RIMS1: variants seen among roughly 807,000 people sequenced by gnomAD.
RIMS1 encodes regulating synaptic membrane exocytosis 1.
In RIMS1, 83 loss-of-function variants were observed where a neutral mutation model predicts 214.1. The observed-to-expected ratio is 0.39, with a 90% CI of 0.32 to 0.47. RIMS1 has a LOEUF of 0.47. Ranked by LOEUF, RIMS1 falls within the 20% of genes least tolerant of loss-of-function variation. RIMS1 has a pLI of 0.99. For missense variants in RIMS1, 2,050 were observed against 2,161.8 expected (o/e 0.95, Z 1.03); for synonymous variants, 793 against 786.8 (o/e 1.01, Z -0.13).
intron 2 of RIMS1, among the ~76,000 whole-genome samples, chr6:71,998,040 T>C (rs1359829325): frequency 6.6e-6 from 1 of 152,116 alleles, no homozygotes. Context: ...GCATCTAAAA[T>C]GTTTAATGAT....
chr6:72,190,456 T>G (rs6940822), intron 6 of RIMS1, among the ~76,000 whole-genome samples: 103,240 of 138,972 alleles, frequency 0.74, 37,193 homozygotes, highest in East Asian at 0.85. Context: ...AGAGTAAAAC[T>G]CTGTCTCAAA....
chr6:72,218,172 G>T (rs2057025515), intron 6 of RIMS1, among the ~76,000 whole-genome samples: 1 of 150,456 alleles, frequency 6.6e-6, no homozygotes, highest in African/African-American at 2.5e-5. Flanking sequence ...TAAGTTTGAG[G>T]TGTCCCAAGG....
chr6:72,251,515 A>G, intron 15 of RIMS1, 147 bp downstream of exon 15: 1 of 667,642 alleles, frequency 1.5e-6, no homozygotes, highest in Non-Finnish European at 2.4e-6. Flanking sequence ...AACTTGGCAA[A>G]ACTGTTTCTA....
At chr6:72,106,558 G>A (rs966679965) in intron 4 of RIMS1, among the ~76,000 whole-genome samples, 9 of 152,188 alleles carry the variant, frequency 5.9e-5, no homozygotes, top group African/African-American at 2.2e-4. Context: ...GCACTTGACG[G>A]ACAGTATCAC....
At chr6:72,280,762 A>G (rs925102573) in intron 23 of RIMS1, among the ~76,000 whole-genome samples, 1 of 152,216 alleles carries the variant, frequency 6.6e-6, no homozygotes, top group East Asian at 1.9e-4. Context: ...CACTGGCTCT[A>G]AGTTTTATAT....
chr6:72,259,676 G>C (rs1012091529), intron 18 of RIMS1, among the ~76,000 whole-genome samples: 4 of 152,192 alleles, frequency 2.6e-5, no homozygotes, highest in African/African-American at 9.6e-5. Flanking sequence ...TTCTGCATTT[G>C]TGAACTAATA....
At chr6:72,185,137 T>A (rs1185274044) in intron 6 of RIMS1, among the ~76,000 whole-genome samples, 1 of 152,218 alleles carries the variant, frequency 6.6e-6, no homozygotes, top group Non-Finnish European at 1.5e-5. Flanking sequence ...AGTGGTCTAC[T>A]TGCCTTCAAA....
chr6:71,940,379 A>G (rs1380212615), intron 1 of RIMS1, among the ~76,000 whole-genome samples: 4 of 152,228 alleles, frequency 2.6e-5, no homozygotes, highest in African/African-American at 9.6e-5. Context: ...CTCTGCAAAA[A>G]TTTAAACCTT....
rs576319641 is a variant in RIMS1, at chr6:72,043,682, G to C, written c.246-53267G>C. Among the ~76,000 whole-genome samples the C allele has an allele frequency of 7.5e-5, 10 of 134,046 alleles. 1 individual carries two copies. The highest frequency in any genetic ancestry group is 5.0e-4 in the Admixed American group (7 of 14,048). The allele number at this position is 134,046 out of a possible 152,430, so 87.9% of individuals were successfully genotyped here. ...GTAAATGCTAATGTACTATTAACTA[G>C]ACTTTTTTCCCCCTTTTCTGCCTGA... On this transcript the variant is annotated intron_variant, in intron 2 of 33. Coordinates refer to ENST00000521978, the MANE Select transcript of RIMS1 (RefSeq NM_014989.7).
At chr6:71,925,126 T>G (rs1288823202) in intron 1 of RIMS1, among the ~76,000 whole-genome samples, 1 of 152,198 alleles carries the variant, frequency 6.6e-6, no homozygotes, top group Non-Finnish European at 1.5e-5. Flanking sequence ...TAATGAGGAA[T>G]AATTTGGAAA....
chr6:72,195,999 A>G (rs2050795829), intron 6 of RIMS1, among the ~76,000 whole-genome samples: 1 of 151,964 alleles, frequency 6.6e-6, no homozygotes, highest in Non-Finnish European at 1.5e-5. Flanking sequence ...CATGGGGGAC[A>G]CCGCCCCCAT....
intron 2 of RIMS1, among the ~76,000 whole-genome samples, chr6:72,040,492 C>G (rs1821141593): frequency 6.6e-6 from 1 of 151,896 alleles, no homozygotes; most frequent in African/African-American, 2.4e-5. Flanking sequence ...AGCCTGAAGT[C>G]AAGTTAGACA....
At position 72,061,522 on chromosome 6, in the gene RIMS1, G is replaced by A. The variant is rs140430059; in HGVS notation, c.246-35427G>A. On this transcript the variant is annotated intron_variant, in intron 2 of 33. Transcript: ENST00000521978. Reference sequence around the variant, plus strand: ...CTGGTCCGCTTTGCACTCACTCAGCGGCTGTGCATTACGCGCTTTCTGACT... The same window carrying A: ...CTGGTCCGCTTTGCACTCACTCAGCAGCTGTGCATTACGCGCTTTCTGACT... Among the ~76,000 whole-genome samples, 12 of 152,304 alleles carry A rather than the reference G, an allele frequency of 7.9e-5. No homozygotes were observed. In the East Asian group the frequency reaches 1.7e-3, roughly 22 times the overall value.
chr6:71,982,676 T>C (rs1798799685), intron 2 of RIMS1, among the ~76,000 whole-genome samples: 1 of 152,182 alleles, frequency 6.6e-6, no homozygotes, highest in Non-Finnish European at 1.5e-5. Context: ...TAATTCTGAA[T>C]CTCTGAATCG....
intron 1 of RIMS1, among the ~76,000 whole-genome samples, chr6:71,943,028 T>G (rs1019636008): frequency 6.6e-6 from 1 of 152,112 alleles, no homozygotes; most frequent in Non-Finnish European, 1.5e-5. Flanking sequence ...ACTTGTATTT[T>G]AAAGAGTCAA....
chr6:72,104,385 C>A (rs780930832), intron 4 of RIMS1, among the ~76,000 whole-genome samples: 2 of 152,152 alleles, frequency 1.3e-5, no homozygotes, highest in Non-Finnish European at 2.9e-5. Flanking sequence ...TAAATACTGA[C>A]AACCAAATTT....
chr6:71,890,365 A>T (rs1344512668), intron 1 of RIMS1, among the ~76,000 whole-genome samples: 1 of 70,502 alleles, frequency 1.4e-5, no homozygotes, highest in Non-Finnish European at 3.0e-5. Flanking sequence ...TGCAAATTAG[A>T]GGTCTTTTCT....
chr6:72,153,856 A>G (rs1243204134), intron 4 of RIMS1, among the ~76,000 whole-genome samples: 2 of 152,216 alleles, frequency 1.3e-5, no homozygotes, highest in Non-Finnish European at 2.9e-5. Flanking sequence ...GTAATCCTAT[A>G]TAAACTTTTT....
chr6:72,222,091 T>G (rs564085051), intron 6 of RIMS1, among the ~76,000 whole-genome samples: 1 of 152,152 alleles, frequency 6.6e-6, no homozygotes, highest in South Asian at 2.1e-4. Context: ...AAAAATTGAC[T>G]TTTTAACATT....
Sources: gnomAD v4.1 joint callset for allele counts (sites outside exome capture counted in the v4.1 genomes callset) on GRCh38, gnomAD v4.1.1 for gene constraint, MANE v1.5 for transcripts, NCBI Gene and HGNC (gene_info 2026-07-23, HGNC 2026-07-21) for gene names.